LRGUK: variants seen among roughly 807,000 people sequenced by gnomAD.
LRGUK encodes the protein leucine rich repeats and guanylate kinase domain containing.
LRGUK carries 65 observed loss-of-function variants against 76.0 expected under a neutral mutation model. The observed-to-expected ratio is 0.85, with a 90% confidence interval of 0.70 to 1.05. The LOEUF (loss-of-function observed/expected upper bound fraction) is 1.05. Among genes scored for constraint, LRGUK ranks in the 50% least tolerant of loss-of-function variants. LRGUK has a pLI of 0.00. For missense variants in LRGUK, 758 were observed against 732.8 expected (o/e 1.03, Z -0.40); for synonymous variants, 268 against 265.6 (o/e 1.01, Z -0.09).
intron 16 of LRGUK, among the ~76,000 whole-genome samples, chr7:134,242,257 T>C (rs1802177367): frequency 6.6e-6 from 1 of 152,062 alleles, no homozygotes; most frequent in Non-Finnish European, 1.5e-5. Flanking sequence ...AATCAATGAA[T>C]CCAGGAGCTG....
At chr7:134,179,989 T>C (rs566612127) in intron 10 of LRGUK, among the ~76,000 whole-genome samples, 33 of 152,316 alleles carry the variant, frequency 2.2e-4, no homozygotes, top group Admixed American at 1.1e-3. Flanking sequence ...TCCCCTCTCC[T>C]GGTATAATTG....
the LRGUK span, among the ~76,000 whole-genome samples, chr7:134,270,694 G>T: frequency 4.6e-5 from 7 of 151,980 alleles, no homozygotes; most frequent in Admixed American, 2.6e-4. Context: ...AATCCACATA[G>T]TTTTTATTAT....
chr7:134,153,263 T>C (rs1798307854), intron 5 of LRGUK, among the ~76,000 whole-genome samples: 1 of 152,120 alleles, frequency 6.6e-6, no homozygotes, highest in Admixed American at 6.5e-5. Flanking sequence ...TGTAGTAGAT[T>C]ATATCTAATA....
At chr7:134,128,766 G>A (rs1229665131) in intron 1 of LRGUK, among the ~76,000 whole-genome samples, 1 of 152,112 alleles carries the variant, frequency 6.6e-6, no homozygotes, top group Non-Finnish European at 1.5e-5. Flanking sequence ...AGTCAGGATG[G>A]TCTTCGATCT....
At chr7:134,147,920 G>A (rs1402031193) in intron 4 of LRGUK, among the ~76,000 whole-genome samples, 4 of 152,200 alleles carry the variant, frequency 2.6e-5, no homozygotes, top group African/African-American at 9.6e-5. Context: ...AAATTAGCCA[G>A]TTGCGGTGGT....
At chr7:134,168,164 C>A (rs574233773) in intron 7 of LRGUK, among the ~76,000 whole-genome samples, 1 of 152,096 alleles carries the variant, frequency 6.6e-6, no homozygotes, top group Admixed American at 6.5e-5. Flanking sequence ...TTGAGACCAG[C>A]CTGGGCAACA....
At chr7:134,136,873 C>T in intron 1 of LRGUK, 150 bp from the exon 2 acceptor site, 1 of 606,390 alleles carries the variant, frequency 1.6e-6, no homozygotes, top group Non-Finnish European at 2.9e-6. Flanking sequence ...TATATGTTAT[C>T]AACACAGAAT....
At chr7:134,162,733 A>C (rs1211465017) in intron 6 of LRGUK, among the ~76,000 whole-genome samples, 1 of 148,478 alleles carries the variant, frequency 6.7e-6, no homozygotes, top group Admixed American at 6.9e-5. Context: ...AGGCTGAGGC[A>C]GGAGAATCAC....
chr7:134,132,582 G>T (rs1433109354), intron 1 of LRGUK, among the ~76,000 whole-genome samples: 1 of 152,170 alleles, frequency 6.6e-6, no homozygotes, highest in Non-Finnish European at 1.5e-5. Context: ...CTCTAGAGTA[G>T]ATTGGTTATT....
chr7:134,161,902 C>T lies in LRGUK; in HGVS notation c.796-1495C>T, dbSNP rs573076822. Among the ~76,000 whole-genome samples, 482 of 152,096 alleles carry T rather than the reference C, an allele frequency of 3.2e-3. 1 individual carries two copies. The highest frequency in any genetic ancestry group is 0.011 in the African/African-American group (462 of 41,498). On this transcript the variant is annotated intron_variant, in intron 6 of 15. Coordinates refer to ENST00000645682, the Ensembl canonical transcript of LRGUK. ...AGAGACGGAGTTTCACCATGTTAGC[C>T]AGGATGGTCTCGATCTCCTGACCTC...
chr7:134,235,602 A>T (rs1801995184), intron 16 of LRGUK, among the ~76,000 whole-genome samples: 1 of 152,082 alleles, frequency 6.6e-6, no homozygotes, highest in Non-Finnish European at 1.5e-5. Flanking sequence ...CTTATCTATT[A>T]TGCTTGTTGT....
intron 11 of LRGUK, among the ~76,000 whole-genome samples, chr7:134,190,946 T>TTAGCA (rs71172441): frequency 1.3e-5 from 2 of 151,320 alleles, no homozygotes; most frequent in Non-Finnish European, 1.5e-5. Context: ...AGTTGAGCGG[T>TTAGCA]GTGGTGGGAT....
At chr7:134,165,199 TTATG>T (rs1368269355) in intron 7 of LRGUK, among the ~76,000 whole-genome samples, 2 of 152,218 alleles carry the variant, frequency 1.3e-5, no homozygotes, top group African/African-American at 4.8e-5. Flanking sequence ...TGTTGAGTAC[TTATG>T]TACCAGGCAC....
intron 8 of LRGUK, among the ~76,000 whole-genome samples, chr7:134,176,468 C>A (rs1375600810): frequency 1.3e-5 from 2 of 152,134 alleles, no homozygotes; most frequent in African/African-American, 2.4e-5. Context: ...CAAGCTCCGC[C>A]TCCTGGGTTC....
chr7:134,257,199 T>C (rs1802605787), intron 18 of LRGUK, among the ~76,000 whole-genome samples: 1 of 152,234 alleles, frequency 6.6e-6, no homozygotes, highest in African/African-American at 2.4e-5. Context: ...TTTTAAGACG[T>C]TGGCCCTCAT....
chr7:134,271,813 T>G, the LRGUK span, among the ~76,000 whole-genome samples: 1 of 152,194 alleles, frequency 6.6e-6, no homozygotes, highest in African/African-American at 2.4e-5. Context: ...TTATCTTGGT[T>G]GTTGTAAATT....
At chr7:134,224,642 A>G (rs578148301) in intron 16 of LRGUK, among the ~76,000 whole-genome samples, 3 of 152,270 alleles carry the variant, frequency 2.0e-5, no homozygotes, top group African/African-American at 7.2e-5. Flanking sequence ...ACAAACCCCC[A>G]TGACACAAGT....
intron 8 of LRGUK, among the ~76,000 whole-genome samples, chr7:134,174,956 AG>A (rs1265049388): frequency 2.6e-5 from 4 of 152,138 alleles, no homozygotes; most frequent in Non-Finnish European, 5.9e-5. Flanking sequence ...TACAGGAAGG[AG>A]GTAATAAGAT....
At chr7:134,136,294 GGCC>G (rs1797536318) in intron 1 of LRGUK, among the ~76,000 whole-genome samples, 1 of 151,982 alleles carries the variant, frequency 6.6e-6, no homozygotes, top group African/African-American at 2.4e-5. Flanking sequence ...ATAGACCAAG[GGCC>G]AACCTCCTTA....
Sources: allele counts gnomAD v4.1 joint callset (sites outside exome capture counted in the v4.1 genomes callset), GRCh38; gene constraint gnomAD v4.1.1; transcripts MANE v1.5; gene names NCBI Gene and HGNC (gene_info 2026-07-23, HGNC 2026-07-21).